Variants in COL2A1 observed in about 807,000 individuals in gnomAD.
COL2A1 encodes collagen alpha-1(II) chain.
Under a neutral mutation model 204.5 loss-of-function variants are expected in COL2A1, and 28 were observed. That is an observed-to-expected ratio of 0.14 (90% CI 0.10 to 0.19). The LOEUF is 0.19. COL2A1 is among the 10% of genes least tolerant of loss of function. COL2A1 has a pLI of 1.00. For missense variants in COL2A1, 1,388 were observed against 2,027.5 expected (o/e 0.68, Z 6.06); for synonymous variants, 708 against 718.7 (o/e 0.99, Z 0.24).
At chr12:47,979,699 A>T in intron 40 of COL2A1, 135 bp from the exon 41 acceptor site, 1 of 857,310 alleles carries the variant, frequency 1.2e-6, no homozygotes, top group Non-Finnish European at 1.9e-6. Context: ...AGGGGGATCC[A>T]GGGAGGGAGA....
chr12:48,003,818 T>G (rs1007009171), intron 1 of COL2A1, among the ~76,000 whole-genome samples: 7 of 152,198 alleles, frequency 4.6e-5, no homozygotes, highest in Non-Finnish European at 1.0e-4. Flanking sequence ...GCTCTCTCTT[T>G]CCTACTTCAC....
rs535354979 is a variant in COL2A1 at position 47,984,027 on chromosome 12, C to T, written c.1941+60G>A. Reference sequence around the variant, plus strand: ...CTCCATTAATGGATGGGCTCTCCCACCCCCACCCCTCCCAGCCCCTGCCCC... The same window carrying T: ...CTCCATTAATGGATGGGCTCTCCCATCCCCACCCCTCCCAGCCCCTGCCCC... On this transcript the variant is annotated intron_variant, in intron 29 of 53. Coordinates refer to ENST00000380518, the MANE Select transcript of COL2A1 (RefSeq NM_001844.5). 6.9e-5 allele frequency: 101 copies of T among 1,454,116 alleles called. 3 individuals carry two copies. In the South Asian group the frequency reaches 7.6e-4, roughly 11 times the overall value. The allele number at this position is 1,454,116 out of a possible 1,614,324, so 90.1% of individuals were successfully genotyped here.
chr12:47,989,139 G>T, intron 18 of COL2A1, 89 bp downstream of exon 18: 1 of 1,088,828 alleles, frequency 9.2e-7, no homozygotes, highest in Non-Finnish European at 1.4e-6. Flanking sequence ...GGGAGCAGGT[G>T]GTTGTTGAGG....
intron 2 of COL2A1, among the ~76,000 whole-genome samples, chr12:47,999,080 A>C (rs560500358): frequency 1.7e-3 from 266 of 152,294 alleles, no homozygotes; most frequent in Admixed American, 5.1e-3. Flanking sequence ...GTGTTAAGGA[A>C]AGGCAGCTTC....
At chr12:47,983,553 G>T in intron 30 of COL2A1, 115 bp from the exon 31 acceptor site, 3 of 1,430,878 alleles carry the variant, frequency 2.1e-6, no homozygotes, top group Non-Finnish European at 2.9e-6. Flanking sequence ...GACAGCCAGG[G>T]GTGCAGGGAA....
intron 45 of COL2A1, 40 bp from the exon 46 acceptor site, chr12:47,977,467 C>T (rs777368420): frequency 6.3e-7 from 1 of 1,590,180 alleles, no homozygotes; most frequent in Non-Finnish European, 8.6e-7. Flanking sequence ...AAGAATGTTC[C>T]AGAAGAGACA....
intron 28 of COL2A1, 134 bp downstream of exon 28, chr12:47,984,412 A>G: frequency 2.1e-6 from 2 of 949,192 alleles, no homozygotes; most frequent in Non-Finnish European, 3.3e-6. Flanking sequence ...CCCAGCCAGC[A>G]TGGGGCTCAG....
At chr12:47,997,777 C>G in intron 6 of COL2A1, 70 bp from the exon 7 acceptor site, 2 of 1,611,682 alleles carry the variant, frequency 1.2e-6, no homozygotes. Flanking sequence ...CCCTTGGCTG[C>G]TCTTTAAGAG....
rs57138989 is a variant in COL2A1, at chr12:47,976,140, G to A, written c.3490-70C>T. The stretch of plus-strand genomic sequence containing the variant: ...AAGGCTGGGGAGTCGCTGGGGCTGG[G>A]TAGGTGGCTGTCCTGATAGCACCAG... On this transcript the variant is annotated intron_variant, in intron 49 of 53. Coordinates refer to ENST00000380518, the MANE Select transcript of COL2A1 (RefSeq NM_001844.5). This position sits in a 1 kb window ranked among gnomAD's most constrained non-coding sequence, Gnocchi z 4.3. 16,687 of 1,091,736 alleles carry A rather than the reference G, an allele frequency of 0.015. 913 individuals carry two copies. The highest frequency in any genetic ancestry group is 0.14 in the African/African-American group (9,144 of 65,050). 67.6% of individuals were successfully genotyped at this position (1,091,736 alleles called of 1,614,324 possible). A position where few individuals can be genotyped will look rare whatever the true frequency, so the allele number is the denominator to read the frequency against.
chr12:47,998,348 A>C, intron 3 of COL2A1, 67 bp downstream of exon 3: 1 of 1,515,916 alleles, frequency 6.6e-7, no homozygotes, highest in South Asian at 1.1e-5. Context: ...TTAACATAGC[A>C]TTGCTTTTGA....
Position 47,986,550 on chromosome 12 carries a change from G to C in COL2A1, c.1420-107C>G, listed in dbSNP as rs566963881. The C allele has an allele frequency of 2.5e-4, 195 of 780,056 alleles. 2 individuals carry two copies. The East Asian group carries it at 4.8e-3, about 19-fold the overall frequency. The allele number at this position is 780,056 out of a possible 1,614,324, so 48.3% of individuals were successfully genotyped here. A position where few individuals can be genotyped will look rare whatever the true frequency, so the allele number is the denominator to read the frequency against. Reference sequence around the variant, plus strand: ...AGCCTTGGCAACTGTTTCAGGGCTGGGGGGGGGCTTGAGGACGAGAGGCCA... The same window carrying C: ...AGCCTTGGCAACTGTTTCAGGGCTGCGGGGGGGCTTGAGGACGAGAGGCCA... On this transcript the variant is annotated intron_variant, in intron 22 of 53. Transcript: ENST00000380518.
At chr12:47,979,628 GC>G in intron 40 of COL2A1, 64 bp from the exon 41 acceptor site, 1 of 562,224 alleles carries the variant, frequency 1.8e-6, no homozygotes, top group Non-Finnish European at 3.4e-6. Flanking sequence ...ATTAAAATGG[GC>G]GGGGGGCGGG....
Position 47,979,878 on chromosome 12 carries a change from G to A in COL2A1, c.2679+131C>T. On this transcript the variant is annotated intron_variant, in intron 40 of 53. Transcript: ENST00000380518. ...CCCTCTCTCCCACCTGGCTGTGGGT[G>A]GGCTTAGGCTGGGGACCAACGCAGG... The A allele has an allele frequency of 2.4e-6, 2 of 823,330 alleles. 1 individual carries two copies. Among genetic ancestry groups the A allele is most frequent in the Non-Finnish European group, 3.8e-6 (2 of 521,728 alleles). The allele number at this position is 823,330 out of a possible 1,614,324, so 51.0% of individuals were successfully genotyped here.
Position 47,995,311 on chromosome 12 carries a change from A to G in COL2A1, c.709-3T>C. ...GGACCACGGGGACCCATGGGACCCT[A>G]CAAACAAAGGAAGATAGTTTAAGAG... On this transcript the variant is annotated splice_polypyrimidine_tract_variant and splice_region_variant and intron_variant, in intron 10 of 53. Coordinates refer to ENST00000380518, the MANE Select transcript of COL2A1 (RefSeq NM_001844.5). 2 of 1,612,970 alleles carry G rather than the reference A, an allele frequency of 1.2e-6. No homozygotes were observed. The highest frequency in any genetic ancestry group is 3.3e-5 in the Admixed American group (2 of 60,026).
chr12:48,004,626 G>T (rs1432195562), upstream of COL2A1: 6 of 277,616 alleles, frequency 2.2e-5, no homozygotes, highest in African/African-American at 1.4e-4. Context: ...GCCAGTGCCC[G>T]CACCTGCCCA....
intron 28 of COL2A1, 45 bp from the exon 29 acceptor site, chr12:47,984,185 C>A (rs758254892): frequency 6.4e-7 from 1 of 1,572,346 alleles, no homozygotes; most frequent in South Asian, 1.1e-5. Flanking sequence ...GCTTTTCTTC[C>A]CACTTGCAGT....
chr12:47,984,661 C>A (rs1336093268), intron 27 of COL2A1, 62 bp from the exon 28 acceptor site: 1 of 1,512,594 alleles, frequency 6.6e-7, no homozygotes, highest in Non-Finnish European at 9.2e-7. Flanking sequence ...GGGGGCAGAG[C>A]GGGCTGCAGG....
chr12:48,001,719 C>T (rs1291136900), intron 1 of COL2A1, among the ~76,000 whole-genome samples: 2 of 152,170 alleles, frequency 1.3e-5, no homozygotes, highest in African/African-American at 4.8e-5. Context: ...CTCACAGACA[C>T]CGGGAGAGTG....
In COL2A1 at chr12:47,973,388, T is replaced by C. The variant is rs762071840; in HGVS notation, c.*19A>G. On this transcript the variant is annotated 3_prime_UTR_variant, in exon 54 of 54. Transcript: ENST00000380518. ...CCTTTGGGTTTGCAACGGATTGTGT[T>C]GTTTCTGGGTTCAGGTTTTTACAAG... 10 of 1,614,010 alleles carry C rather than the reference T, an allele frequency of 6.2e-6. No homozygotes were observed. The highest frequency in any genetic ancestry group is 1.7e-5 in the Admixed American group (1 of 60,002).
Sources: allele counts gnomAD v4.1 joint callset (sites outside exome capture counted in the v4.1 genomes callset), GRCh38; gene constraint gnomAD v4.1.1; non-coding constraint Gnocchi (gnomAD v3.1); transcripts MANE v1.5; gene names NCBI Gene and HGNC (gene_info 2026-07-23, HGNC 2026-07-21).